PLEKHA4: variants seen among roughly 807,000 people sequenced by gnomAD.
PLEKHA4 encodes pleckstrin homology domain containing A4.
In PLEKHA4, 73 loss-of-function variants were observed where a neutral mutation model predicts 94.7. That is an observed-to-expected ratio of 0.77 (90% confidence interval 0.64 to 0.94). The LOEUF is 0.94. Ranked by LOEUF, PLEKHA4 falls within the 40% of genes least tolerant of loss-of-function variation. The pLI is 0.00. For missense variants in PLEKHA4, 1,049 were observed against 1,054.1 expected, an observed-to-expected ratio of 1.00 and a Z score of 0.07; for synonymous variants, 449 against 437.1, an observed-to-expected ratio of 1.03 and a Z score of -0.34.
At chr19:48,857,337 C>T in intron 9 of PLEKHA4, 85 bp downstream of exon 9, 1 of 653,546 alleles carries the variant, frequency 1.5e-6, no homozygotes. Context: ...TCTCTAGGCA[C>T]CCTAGGCCAA....
chr19:48,855,486 C>T (rs904893704), intron 9 of PLEKHA4, among the ~76,000 whole-genome samples: 1 of 151,976 alleles, frequency 6.6e-6, no homozygotes, highest in Admixed American at 6.6e-5. Flanking sequence ...CGCCTGTAAT[C>T]CCAGCTACTT....
intron 16 of PLEKHA4, among the ~76,000 whole-genome samples, chr19:48,841,665 A>C (rs1401773009): frequency 6.6e-6 from 1 of 151,686 alleles, no homozygotes; most frequent in African/African-American, 2.4e-5. Context: ...ACAAGGAGAG[A>C]GGGAGAAGGC....
intron 16 of PLEKHA4, 39 bp from the exon 17 acceptor site, chr19:48,841,349 G>A: frequency 6.4e-7 from 1 of 1,556,322 alleles, no homozygotes. Context: ...CAACCTTTAG[G>A]CCAGGCACAG....
intron 13 of PLEKHA4, among the ~76,000 whole-genome samples, chr19:48,849,791 A>G (rs1341018401): frequency 6.6e-6 from 1 of 152,230 alleles, no homozygotes; most frequent in Non-Finnish European, 1.5e-5. Context: ...GCAGGATGCA[A>G]GAGATGAACT....
rs764823850 is a variant in PLEKHA4 at position 48,861,461 on chromosome 19, G to A, written c.306C>T (p.Pro102=). 3.7e-6 allele frequency: 6 copies of A among 1,614,138 alleles called. No individual in the cohort carries two copies. Among genetic ancestry groups the A allele is most frequent in the Non-Finnish European group, 5.1e-6 (6 of 1,180,034 alleles). Residue 102 remains proline (P), a synonymous_variant, in exon 5 of 20, where the codon CCC becomes CCT. Transcript: ENST00000263265. The part of the protein sequence containing the change: ...EESVLGSVLL[P]SYNIRPDGPG... ...GCCCATCTGGTCTAATATTGTAGCT[G>A]GGGAGCAGGACGCTGCCTAGGACAC...
chr19:48,863,588 G>A (rs930751956), intron 3 of PLEKHA4, among the ~76,000 whole-genome samples: 6 of 151,514 alleles, frequency 4.0e-5, no homozygotes, highest in African/African-American at 9.7e-5. Flanking sequence ...CCACCACCAC[G>A]CCCGGCTAAT....
intron 16 of PLEKHA4, among the ~76,000 whole-genome samples, chr19:48,843,804 C>G (rs62127971): frequency 0.12 from 18,735 of 151,704 alleles, 1,331 homozygotes; most frequent in South Asian, 0.2. Context: ...ATTACAGGTG[C>G]GTGCTGCTAC....
intron 13 of PLEKHA4, among the ~76,000 whole-genome samples, chr19:48,851,434 TAGAGAAACCCC>T (rs1318463645): frequency 2.0e-5 from 3 of 149,820 alleles, no homozygotes; most frequent in African/African-American, 4.9e-5. Flanking sequence ...CTGACCAACA[TAGAGAAACCCC>T]GTCTCTACTA....
Position 48,847,878 on chromosome 19 carries a change from G to A in PLEKHA4, c.1566+22C>T, listed in dbSNP as rs28532291. The A allele has an allele frequency of 9.8e-4, 1,502 of 1,531,774 alleles. 12 individuals carry two copies. The African/African-American group carries it at 0.018, about 18-fold the overall frequency. 94.9% of individuals were successfully genotyped at this position (1,531,774 alleles called of 1,614,324 possible). A position where few individuals can be genotyped will look rare whatever the true frequency, so the allele number is the denominator to read the frequency against. On this transcript the variant is annotated intron_variant, in intron 14 of 19. Transcript: ENST00000263265. ...AGGTGGGACATGAAGCTTGGGGTGG[G>A]GAGGAATTATGTGCGTCTTACCTCC...
At chr19:48,846,048 G>A (rs1422388459) in intron 14 of PLEKHA4, among the ~76,000 whole-genome samples, 1 of 151,122 alleles carries the variant, frequency 6.6e-6, no homozygotes, top group East Asian at 1.9e-4. Context: ...CCAGATCTGA[G>A]CATGGAGGCT....
Position 48,847,925 on chromosome 19 carries a change from T to G in PLEKHA4, c.1541A>C (p.Gln514Pro), listed in dbSNP as rs1476449790. Residue 514 changes from glutamine to proline, a missense_variant, in exon 14 of 20, where the codon CAG (glutamine) becomes CCG (proline). Transcript: ENST00000263265. The part of the protein sequence containing the change: ...TEPDSPSPVL[Q>P]GEESSERESL... ...CTCCCTCTCTGAGGACTCCTCGCCCTGGAGCACGGGAGATGGGGAGTCAGG... is the reference window on the plus strand; with the variant it reads ...CTCCCTCTCTGAGGACTCCTCGCCCGGGAGCACGGGAGATGGGGAGTCAGG... The G allele has an allele frequency of 2.5e-6, 4 of 1,592,484 alleles. No homozygotes were observed. The highest frequency in any genetic ancestry group is 3.4e-6 in the Non-Finnish European group (4 of 1,169,674).
chr19:48,859,631 G>C lies in PLEKHA4; in HGVS notation c.530C>G (p.Pro177Arg). 1 of 1,612,660 alleles carries C rather than the reference G, an allele frequency of 6.2e-7. No homozygotes were observed. Among genetic ancestry groups the C allele is most frequent in the South Asian group, 1.1e-5 (1 of 91,072 alleles). The change falls in exon 7 of 20, where the codon CCC becomes CGC. Residue 177 changes from proline to arginine, a missense_variant. Pro to Arg is a moderately radical substitution (Grantham distance 103, BLOSUM62 -2). Transcript: ENST00000263265. Reference protein sequence around the residue: ...RPQPGEGPGGPGGPPEVSRGE... With the variant: ...RPQPGEGPGGRGGPPEVSRGE... The stretch of plus-strand genomic sequence containing the variant: ...TCTGCTCACCTCCGGGGGACCACCG[G>C]GGCCGCCGGGGCCCTCCCCGGGCTG...
At chr19:48,855,648 G>A (rs1006242939) in intron 9 of PLEKHA4, among the ~76,000 whole-genome samples, 2 of 144,020 alleles carry the variant, frequency 1.4e-5, no homozygotes, top group African/African-American at 2.8e-5. Flanking sequence ...AATAAGCTGA[G>A]CATGGTGGTA....
At chr19:48,838,888 T>G (rs55869333) in intron 18 of PLEKHA4, among the ~76,000 whole-genome samples, 28,039 of 151,906 alleles carry the variant, frequency 0.18, 2,987 homozygotes, top group African/African-American at 0.29. Context: ...GTCTCTAAAA[T>G]ACGTTAAACA....
chr19:48,860,285 G>C (rs2036583291), intron 6 of PLEKHA4, 65 bp downstream of exon 6: 1 of 1,379,196 alleles, frequency 7.3e-7, no homozygotes, highest in Non-Finnish European at 1.0e-6. Context: ...CCAAAGGGGA[G>C]GAGTTGGGAT....
At chr19:48,839,313 C>T (rs756169355) in intron 17 of PLEKHA4, 50 bp from the exon 18 acceptor site, 11 of 1,357,412 alleles carry the variant, frequency 8.1e-6, no homozygotes, top group Non-Finnish European at 1.0e-5. Flanking sequence ...GCCCCACGTT[C>T]TCATTTTGAG....
Position 48,858,983 on chromosome 19 carries a change from A to T in PLEKHA4, c.849T>A (p.Asp283Glu), listed in dbSNP as rs1348693608. ...AGAGGGTCTGGCGTTGGGGGCCCCA[A>T]TCCAGAGGAGGTCGGACATCAATGC... ...LSRIDVRPPL[D>E]WGPQRQTLSR... The change falls in exon 8 of 20, where the codon GAT becomes GAA. Residue 283 changes from aspartate to glutamate, a missense_variant. Coordinates refer to ENST00000263265, the MANE Select transcript of PLEKHA4 (RefSeq NM_020904.3). The T allele has an allele frequency of 2.5e-6, 4 of 1,581,594 alleles. No homozygotes were observed. Among genetic ancestry groups the T allele is most frequent in the Non-Finnish European group, 2.6e-6 (3 of 1,169,286 alleles).
At chr19:48,844,465 C>G (rs2035890629) in intron 16 of PLEKHA4, 1 of 985,008 alleles carries the variant, frequency 1.0e-6, no homozygotes, top group Non-Finnish European at 1.2e-6. Context: ...CCAAGAAGTG[C>G]TTTTAAATCT....
intron 16 of PLEKHA4, among the ~76,000 whole-genome samples, chr19:48,842,581 C>CT (rs2035810603): frequency 6.6e-6 from 1 of 152,194 alleles, no homozygotes; most frequent in East Asian, 1.9e-4. Flanking sequence ...ATGCAGTCTG[C>CT]CTGCTTTGTA....
Sources: gnomAD v4.1 joint callset for allele counts (sites outside exome capture counted in the v4.1 genomes callset) on GRCh38, gnomAD v4.1.1 for gene constraint, MANE v1.5 for transcripts, NCBI Gene and HGNC (gene_info 2026-07-23, HGNC 2026-07-21) for gene names.